The following STK39 variants were observed in gnomAD, a reference collection of about 807,000 sequenced individuals.
STK39 encodes the protein STE20/SPS1-related proline-alanine-rich protein kinase.
In STK39, 20 loss-of-function variants were observed where a neutral mutation model predicts 77.8. The ratio of observed to expected loss-of-function variants is 0.26; its 90% CI spans 0.18 to 0.37. STK39 has a LOEUF of 0.37. Among genes scored for constraint, STK39 ranks in the 10% least tolerant of loss-of-function variants. The pLI, the probability that STK39 is intolerant of heterozygous loss-of-function variation, is 1.00. For missense variants in STK39, 479 were observed against 656.5 expected (o/e 0.73, Z 2.95); for synonymous variants, 246 against 234.1 (o/e 1.05, Z -0.47).
chr2:167,959,374 C>T (rs905413064), intron 17 of STK39, among the ~76,000 whole-genome samples: 4 of 151,888 alleles, frequency 2.6e-5, no homozygotes, highest in Non-Finnish European at 4.4e-5. Context: ...ATCCACATGC[C>T]TCGGCCTCCC....
At chr2:167,989,064 A>G (rs2105279491) in intron 16 of STK39, among the ~76,000 whole-genome samples, 1 of 152,302 alleles carries the variant, frequency 6.6e-6, no homozygotes, top group Non-Finnish European at 1.5e-5. Flanking sequence ...CCATATAGAT[A>G]GCCATTGGTT....
intron 1 of STK39, among the ~76,000 whole-genome samples, chr2:168,195,499 C>T (rs1409978338): frequency 2.0e-5 from 3 of 152,180 alleles, no homozygotes. Context: ...TGGTCGGTGG[C>T]CATGCTTTTC....
chr2:168,206,882 C>A (rs1300306048), intron 1 of STK39, among the ~76,000 whole-genome samples: 3 of 152,178 alleles, frequency 2.0e-5, no homozygotes, highest in Non-Finnish European at 4.4e-5. Flanking sequence ...CTTCATGCTT[C>A]TTATAATACC....
intron 14 of STK39, among the ~76,000 whole-genome samples, chr2:168,050,366 C>T (rs939597978): frequency 1.3e-5 from 2 of 152,208 alleles, no homozygotes; most frequent in East Asian, 1.9e-4. Flanking sequence ...CTCCGAAATA[C>T]GTCCACAGCC....
At chr2:168,170,425 C>T (rs1688794954) in intron 2 of STK39, among the ~76,000 whole-genome samples, 1 of 152,158 alleles carries the variant, frequency 6.6e-6, no homozygotes, top group South Asian at 2.1e-4. Flanking sequence ...GTTCTAACAT[C>T]CTATTCTCTT....
intron 17 of STK39, among the ~76,000 whole-genome samples, chr2:167,958,318 G>T (rs1317979285): frequency 6.6e-6 from 1 of 151,878 alleles, no homozygotes; most frequent in East Asian, 1.9e-4. Context: ...AATATAAACA[G>T]TACATTTAAA....
intron 8 of STK39, among the ~76,000 whole-genome samples, chr2:168,132,510 G>A (rs1035066260): frequency 4.6e-5 from 7 of 152,066 alleles, no homozygotes; most frequent in East Asian, 1.9e-4. Flanking sequence ...CACACCCGCC[G>A]GAGATGCCAC....
chr2:168,016,942 A>T, intron 15 of STK39, 101 bp downstream of exon 15: 1 of 929,248 alleles, frequency 1.1e-6, no homozygotes, highest in Non-Finnish European at 1.6e-6. Context: ...CTTCACTATT[A>T]AACAAAGCAG....
chr2:168,103,582 A>G (rs1686892499), intron 10 of STK39, among the ~76,000 whole-genome samples: 1 of 152,216 alleles, frequency 6.6e-6, no homozygotes, highest in African/African-American at 2.4e-5. Context: ...CCAGCAGGAT[A>G]AAGGAAGAAA....
At chr2:167,975,027 G>A (rs1683238516) in intron 16 of STK39, among the ~76,000 whole-genome samples, 1 of 152,180 alleles carries the variant, frequency 6.6e-6, no homozygotes. Context: ...AGTTATCAGT[G>A]CTATGTACCT....
At position 167,955,383 on chromosome 2, in the gene STK39, G is replaced by T. The variant is rs1691735338; in HGVS notation, c.*113C>A. 1 of 997,044 alleles carries T rather than the reference G, an allele frequency of 1.0e-6. No homozygotes were observed. Among genetic ancestry groups the T allele is most frequent in the Non-Finnish European group, 1.5e-6 (1 of 675,404 alleles). The allele number at this position is 997,044 out of a possible 1,614,324, so 61.8% of individuals were successfully genotyped here. On this transcript the variant is annotated 3_prime_UTR_variant, in exon 18 of 18. Coordinates refer to ENST00000355999, the MANE Select transcript of STK39 (RefSeq NM_013233.3). ...GGCCTCTTCACAATCTTCTGATTTT[G>T]CTAGGAAATGGGAGTGAGGGGGTGG...
chr2:167,989,363 A>G (rs371156798), intron 16 of STK39, among the ~76,000 whole-genome samples: 1 of 152,224 alleles, frequency 6.6e-6, no homozygotes, highest in Non-Finnish European at 1.5e-5. Context: ...AAGATGAACT[A>G]TCATGAAAAT....
intron 16 of STK39, among the ~76,000 whole-genome samples, chr2:167,983,836 A>C (rs1683492360): frequency 6.6e-6 from 1 of 152,146 alleles, no homozygotes; most frequent in African/African-American, 2.4e-5. Context: ...TCCCATCCCA[A>C]CTTGAATACA....
chr2:168,002,506 G>A (rs968232157), intron 16 of STK39, among the ~76,000 whole-genome samples: 1 of 152,174 alleles, frequency 6.6e-6, no homozygotes, highest in African/African-American at 2.4e-5. Flanking sequence ...AGCACAGGGA[G>A]TGGCTGGGCT....
intron 2 of STK39, among the ~76,000 whole-genome samples, chr2:168,177,752 C>T (rs990426572): frequency 1.3e-5 from 2 of 152,146 alleles, no homozygotes; most frequent in African/African-American, 4.8e-5. Flanking sequence ...TAGCAGGAAA[C>T]CTCAAGGCCA....
chr2:168,211,381 G>C (rs992298848), intron 1 of STK39, among the ~76,000 whole-genome samples: 3 of 152,166 alleles, frequency 2.0e-5, no homozygotes, highest in Admixed American at 1.3e-4. Flanking sequence ...TTATTGGTCA[G>C]CACACATTCA....
rs1690405121 is a variant in STK39, at chr2:168,229,769, G to A, written c.208+17459C>T. Reference sequence around the variant, plus strand: ...CATGCAAACAATCTATGTTTTTAATGTGGTGTTGAGTTTTAAGAAAGTCAG... The same window carrying A: ...CATGCAAACAATCTATGTTTTTAATATGGTGTTGAGTTTTAAGAAAGTCAG... On this transcript the variant is annotated intron_variant, in intron 1 of 17. Coordinates refer to ENST00000355999, the MANE Select transcript of STK39 (RefSeq NM_013233.3). 2.0e-5 allele frequency among the ~76,000 whole-genome samples: 3 copies of A among 152,274 alleles called. No homozygotes were observed. In the South Asian group the frequency reaches 6.2e-4, roughly 32 times the overall value.
chr2:168,225,871 G>A (rs1163172549), intron 1 of STK39, among the ~76,000 whole-genome samples: 2 of 152,118 alleles, frequency 1.3e-5, no homozygotes, highest in African/African-American at 2.4e-5. Flanking sequence ...TCTCCAAGGA[G>A]GGTGTCTGAG....
chr2:168,207,819 A>G (rs1689780295), intron 1 of STK39, among the ~76,000 whole-genome samples: 1 of 152,240 alleles, frequency 6.6e-6, no homozygotes, highest in African/African-American at 2.4e-5. Flanking sequence ...AGGTTTGGAC[A>G]GTGATTTTTC....
Sources: gnomAD v4.1 joint callset for allele counts (sites outside exome capture counted in the v4.1 genomes callset) on GRCh38, gnomAD v4.1.1 for gene constraint, MANE v1.5 for transcripts, NCBI Gene and HGNC (gene_info 2026-07-23, HGNC 2026-07-21) for gene names.